The following CLPB variants were observed in gnomAD, a reference collection of about 807,000 sequenced individuals.
CLPB encodes the protein mitochondrial disaggregase.
Under a neutral mutation model 78.4 loss-of-function variants are expected in CLPB, and 40 were observed. The observed-to-expected ratio is 0.51, with a 90% CI of 0.40 to 0.66. CLPB has a LOEUF of 0.66. Ranked by LOEUF, CLPB falls within the 30% of genes least tolerant of loss-of-function variation. The pLI is 0.00. For synonymous variants in CLPB, 333 were observed against 348.0 expected (o/e 0.96, Z 0.48); for missense variants, 780 against 886.9 (o/e 0.88, Z 1.53).
chr11:72,325,493 C>T (rs1490221391), intron 6 of CLPB, among the ~76,000 whole-genome samples: 1 of 152,090 alleles, frequency 6.6e-6, no homozygotes, highest in Non-Finnish European at 1.5e-5. Flanking sequence ...AAGGAGGCTT[C>T]GGCGCACAGA....
At chr11:72,307,168 C>A (rs1252498260) in intron 9 of CLPB, 31 bp downstream of exon 9, 2 of 1,605,406 alleles carry the variant, frequency 1.2e-6, no homozygotes, top group East Asian at 2.2e-5. Context: ...TCTCCACGAT[C>A]TGCAGATCAG....
Position 72,290,896 on chromosome 11 carries a change from G to T in CLPB, c.*2471C>A, listed in dbSNP as rs1343726332. ...GGAGGCAGAGGTTGCAGTGAGCCGA[G>T]ATTGCGCCACTGCACTCCATCCTGG... On this transcript the variant is annotated 3_prime_UTR_variant, in exon 16 of 16. Transcript: ENST00000538039. The T allele has an allele frequency of 6.7e-6, 1 of 149,530 alleles. No homozygotes were observed. Among genetic ancestry groups the T allele is most frequent in the African/African-American group, 2.5e-5 (1 of 40,382 alleles). 9.3% of individuals were successfully genotyped at this position (149,530 alleles called of 1,614,324 possible).
intron 3 of CLPB, among the ~76,000 whole-genome samples, chr11:72,384,140 G>A (rs1413792844): frequency 6.6e-6 from 1 of 152,148 alleles, no homozygotes; most frequent in Non-Finnish European, 1.5e-5. Flanking sequence ...GTGACAGAAT[G>A]AGACCCTATC....
At chr11:72,330,331 G>A (rs558907213) in intron 5 of CLPB, among the ~76,000 whole-genome samples, 82 of 152,332 alleles carry the variant, frequency 5.4e-4, no homozygotes, top group Middle Eastern at 6.8e-3. Flanking sequence ...AAGGGCATGG[G>A]CACCACCAGC....
chr11:72,336,995 C>T (rs1394673489), intron 5 of CLPB: 1 of 398,632 alleles, frequency 2.5e-6, no homozygotes, highest in Non-Finnish European at 4.4e-6. Context: ...AGTGTCCTCC[C>T]TACTTACTCC....
chr11:72,372,987 T>C (rs773852268), intron 4 of CLPB: 1 of 1,614,134 alleles, frequency 6.2e-7, no homozygotes, highest in South Asian at 1.1e-5. Context: ...GTTTGTGATG[T>C]GCCGGCTTGC....
At position 72,289,817 on chromosome 11, in the gene CLPB, T is replaced by C. The variant is rs1949431143; in HGVS notation, c.*3550A>G. ...GTCTTGAACTCCTGGGCTCAAGTGA[T>C]CCTCCCACTTTGGCCTCCCAAAGTC... On this transcript the variant is annotated 3_prime_UTR_variant, in exon 16 of 16. Transcript: ENST00000538039. The C allele has an allele frequency of 6.6e-6, 1 of 152,138 alleles. No homozygotes were observed. Among genetic ancestry groups the C allele is most frequent in the Non-Finnish European group, 1.5e-5 (1 of 68,042 alleles). The allele number at this position is 152,138 out of a possible 1,614,324, so 9.4% of individuals were successfully genotyped here. A position where few individuals can be genotyped will look rare whatever the true frequency, so the allele number is the denominator to read the frequency against.
At chr11:72,426,328 T>A (rs1856373641) in intron 2 of CLPB, among the ~76,000 whole-genome samples, 1 of 152,216 alleles carries the variant, frequency 6.6e-6, no homozygotes, top group South Asian at 2.1e-4. Flanking sequence ...CTCACATGGC[T>A]TGGCCTGAGC....
At chr11:72,300,816 C>T (rs1467445423) in intron 11 of CLPB, among the ~76,000 whole-genome samples, 2 of 152,154 alleles carry the variant, frequency 1.3e-5, no homozygotes, top group Non-Finnish European at 2.9e-5. Flanking sequence ...AGAAGAGAGG[C>T]CTCATCCCCG....
chr11:72,372,210 G>A (rs1188994341), intron 4 of CLPB, among the ~76,000 whole-genome samples: 1 of 152,146 alleles, frequency 6.6e-6, no homozygotes, highest in East Asian at 1.9e-4. Flanking sequence ...TGCTACCAGA[G>A]GAAAGCATTT....
At chr11:72,411,162 C>A (rs1211841537) in intron 2 of CLPB, among the ~76,000 whole-genome samples, 3 of 152,238 alleles carry the variant, frequency 2.0e-5, no homozygotes, top group Admixed American at 2.0e-4. Context: ...AGTTGGCACA[C>A]CACAAAGCTC....
intron 11 of CLPB, among the ~76,000 whole-genome samples, chr11:72,299,597 TA>T (rs1466972833): frequency 6.6e-6 from 1 of 152,236 alleles, no homozygotes; most frequent in African/African-American, 2.4e-5. Flanking sequence ...TAGCACTTAC[TA>T]ACCCTTTGAA....
intron 2 of CLPB, among the ~76,000 whole-genome samples, chr11:72,418,770 G>A (rs917188568): frequency 4.7e-5 from 7 of 150,152 alleles, no homozygotes; most frequent in African/African-American, 1.2e-4. Context: ...CAGGAGAATC[G>A]CTTGAACCCA....
At position 72,297,702 on chromosome 11, in the gene CLPB, T is replaced by TGTGTGTGTGTGTGTGTGA. The variant is rs1464583884; in HGVS notation, c.1330-2055_1330-2054insTCACACACACACACACAC. On this transcript the variant is annotated intron_variant, in intron 11 of 15. Coordinates refer to ENST00000538039, the MANE Select transcript of CLPB (RefSeq NM_001258392.3). ...GTGTGTGTGTGTGTGTGTGTGTGTGTGACATGTCCAAGCATGTGCATATGA... is the reference window on the plus strand; with the variant it reads ...GTGTGTGTGTGTGTGTGTGTGTGTGTGTGTGTGTGTGTGTGTGAGACATGTCCAAGCATGTGCATATGA... 1.3e-4 allele frequency among the ~76,000 whole-genome samples: 17 copies of TGTGTGTGTGTGTGTGTGA among 129,754 alleles called. 2 individuals carry two copies. The highest frequency in any genetic ancestry group is 3.0e-4 in the Admixed American group (4 of 13,122). 85.1% of individuals were successfully genotyped at this position (129,754 alleles called of 152,430 possible).
intron 5 of CLPB, among the ~76,000 whole-genome samples, chr11:72,337,770 T>C (rs775744462): frequency 6.6e-6 from 1 of 152,200 alleles, no homozygotes; most frequent in Non-Finnish European, 1.5e-5. Context: ...AAACTCATCT[T>C]TTTTCCTCTC....
At chr11:72,377,910 G>A (rs1442375749) in intron 4 of CLPB, among the ~76,000 whole-genome samples, 1 of 152,146 alleles carries the variant, frequency 6.6e-6, no homozygotes, top group Non-Finnish European at 1.5e-5. Flanking sequence ...GTATCACAAT[G>A]GTCGAGGTAA....
intron 2 of CLPB, among the ~76,000 whole-genome samples, chr11:72,412,528 T>A (rs539051108): frequency 6.6e-6 from 1 of 152,180 alleles, no homozygotes; most frequent in Non-Finnish European, 1.5e-5. Context: ...CACACACAGA[T>A]AGGGAGGCTC....
chr11:72,362,236 G>A (rs1950853712), intron 4 of CLPB, among the ~76,000 whole-genome samples: 1 of 152,162 alleles, frequency 6.6e-6, no homozygotes, highest in South Asian at 2.1e-4. Context: ...TACGTTTGAG[G>A]TAGTTATTGT....
Position 72,317,141 on chromosome 11 carries a change from A to C in CLPB, c.953T>G (p.Ile318Ser), listed in dbSNP as rs1024052613. Reference protein sequence around the residue: ...PLEQRLKEHIIGQESAIATVG... With the variant: ...PLEQRLKEHISGQESAIATVG... ...TGTGGCGATGGCGCTCTCCTGGCCAATGATGTGCTCCTTTAGTCGCTGCTC... is the reference window on the plus strand; with the variant it reads ...TGTGGCGATGGCGCTCTCCTGGCCACTGATGTGCTCCTTTAGTCGCTGCTC... Residue 318 changes from isoleucine (I) to serine (S), a missense_variant, in exon 7 of 16, where the codon ATT becomes AGT. By Grantham distance (142) the Ile-to-Ser change is moderately radical. This residue lies in a region of CLPB where 417 missense variants were observed against 414.7 expected (regional missense o/e 1.01). Coordinates refer to ENST00000538039, the MANE Select transcript of CLPB (RefSeq NM_001258392.3). 1 of 1,612,218 alleles carries C rather than the reference A, an allele frequency of 6.2e-7. No homozygotes were observed.
Sources: allele counts gnomAD v4.1 joint callset (sites outside exome capture counted in the v4.1 genomes callset), GRCh38; gene constraint gnomAD v4.1.1; regional missense constraint gnomAD v4.1.1; transcripts MANE v1.5; gene names NCBI Gene and HGNC (gene_info 2026-07-23, HGNC 2026-07-21).